Variants in SKAP1 observed in about 807,000 individuals in gnomAD.
The protein encoded by SKAP1 is src kinase associated phosphoprotein 1.
A neutral mutation model predicts 58.5 loss-of-function variants in SKAP1; 44 were observed. The ratio of observed to expected loss-of-function variants is 0.75; its 90% CI spans 0.59 to 0.97. The LOEUF (loss-of-function observed/expected upper bound fraction) is 0.97, where lower values mean the gene tolerates loss of function less well. SKAP1 is among the 50% of genes least tolerant of loss of function. The pLI is 0.00. For missense variants in SKAP1, 390 were observed against 435.2 expected (o/e 0.90, Z 0.92); for synonymous variants, 127 against 149.7 (o/e 0.85, Z 1.11).
intron 4 of SKAP1, 143 bp downstream of exon 4, chr17:48,345,762 A>T (rs2144328729): frequency 3.2e-6 from 2 of 616,946 alleles, no homozygotes; most frequent in South Asian, 3.8e-5. Context: ...TGAAACAAAT[A>T]GTTGTTCTTT....
At chr17:48,218,152 T>C (rs1308279104) in intron 4 of SKAP1, among the ~76,000 whole-genome samples, 1 of 152,182 alleles carries the variant, frequency 6.6e-6, no homozygotes, top group East Asian at 1.9e-4. Flanking sequence ...CTGATATTTA[T>C]CCTTAAACAA....
At position 48,356,611 on chromosome 17, in the gene SKAP1, T is replaced by C. The variant is rs183080381; in HGVS notation, c.178+7178A>G. Among the ~76,000 whole-genome samples the C allele has an allele frequency of 7.9e-5, 12 of 152,310 alleles. No homozygotes were observed. The East Asian group carries it at 2.1e-3, about 27-fold the overall frequency. ...TATTTTTTTCCTCTTTTTAAACAAATGGTAACATTTGTTCTGTTCTGTATC... is the reference window on the plus strand; with the variant it reads ...TATTTTTTTCCTCTTTTTAAACAAACGGTAACATTTGTTCTGTTCTGTATC... On this transcript the variant is annotated intron_variant, in intron 3 of 12. Coordinates refer to ENST00000336915, the MANE Select transcript of SKAP1 (RefSeq NM_003726.4).
chr17:48,387,352 T>A (rs2067289750), intron 2 of SKAP1, among the ~76,000 whole-genome samples: 1 of 152,118 alleles, frequency 6.6e-6, no homozygotes, highest in Admixed American at 6.5e-5. Flanking sequence ...TGCACTCTCT[T>A]CCCTCCACCG....
chr17:48,415,698 G>T (rs1598678505), intron 1 of SKAP1, among the ~76,000 whole-genome samples: 1 of 152,080 alleles, frequency 6.6e-6, no homozygotes, highest in Admixed American at 6.6e-5. Flanking sequence ...TCCCTACGTG[G>T]GGCCCCATTC....
intron 4 of SKAP1, among the ~76,000 whole-genome samples, chr17:48,329,764 TG>T (rs1156327682): frequency 1.3e-5 from 2 of 152,108 alleles, no homozygotes; most frequent in African/African-American, 4.8e-5. Context: ...TGAGGCAGTG[TG>T]GCATACTAGA....
intron 4 of SKAP1, among the ~76,000 whole-genome samples, chr17:48,245,175 T>C (rs1014657955): frequency 6.6e-6 from 1 of 152,202 alleles, no homozygotes; most frequent in Non-Finnish European, 1.5e-5. Flanking sequence ...TGGAAAATAG[T>C]AGGTATCTTC....
intron 11 of SKAP1, chr17:48,156,424 A>G: frequency 1.9e-6 from 1 of 513,158 alleles, no homozygotes. Flanking sequence ...ACGTATGAGG[A>G]GACCTGCACC....
Position 48,197,257 on chromosome 17 carries a change from C to CAAAAAAAAA in SKAP1, c.281-7766_281-7758dup, listed in dbSNP as rs35979686. ...TAGGTGATAGAGCGAGACTCCGACTCAAAAAAAAAAAAAAAAAAAATGCTG... is the reference window on the plus strand; with the variant it reads ...TAGGTGATAGAGCGAGACTCCGACTCAAAAAAAAAAAAAAAAAAAAAAAAAAAAATGCTG... On this transcript the variant is annotated intron_variant, in intron 4 of 12. Coordinates refer to ENST00000336915, the MANE Select transcript of SKAP1 (RefSeq NM_003726.4). 3.1e-5 allele frequency among the ~76,000 whole-genome samples: 3 copies of CAAAAAAAAA among 97,612 alleles called. 1 individual carries two copies. The highest frequency in any genetic ancestry group is 5.9e-5 in the Non-Finnish European group (3 of 50,532). 64.0% of individuals were successfully genotyped at this position (97,612 alleles called of 152,430 possible). A position where few individuals can be genotyped will look rare whatever the true frequency, so the allele number is the denominator to read the frequency against.
intron 4 of SKAP1, among the ~76,000 whole-genome samples, chr17:48,238,186 G>GT: frequency 6.6e-6 from 1 of 151,978 alleles, no homozygotes; most frequent in Non-Finnish European, 1.5e-5. Context: ...TAGAGACATG[G>GT]TTTCACCATA....
chr17:48,287,034 T>C (rs1255736263), intron 4 of SKAP1, among the ~76,000 whole-genome samples: 6 of 151,842 alleles, frequency 4.0e-5, no homozygotes, highest in Non-Finnish European at 1.5e-5. Context: ...AGGTGGAGGT[T>C]GCAGTGAGCC....
chr17:48,441,162 G>T, the SKAP1 span, among the ~76,000 whole-genome samples: 2 of 152,172 alleles, frequency 1.3e-5, no homozygotes, highest in Admixed American at 6.5e-5. Flanking sequence ...ACTAAGATGA[G>T]ATTCATAGGG....
chr17:48,304,167 G>A (rs1267047915), intron 4 of SKAP1, among the ~76,000 whole-genome samples: 1 of 152,066 alleles, frequency 6.6e-6, no homozygotes, highest in Admixed American at 6.6e-5. Context: ...TAAGCATAAT[G>A]GACCTCTATA....
chr17:48,255,777 T>C (rs1187114560), intron 4 of SKAP1, among the ~76,000 whole-genome samples: 1 of 152,084 alleles, frequency 6.6e-6, no homozygotes, highest in Non-Finnish European at 1.5e-5. Context: ...AATTTTTCCT[T>C]CGAAGAGATC....
At chr17:48,386,680 C>G (rs2067280963) in intron 2 of SKAP1, among the ~76,000 whole-genome samples, 1 of 152,158 alleles carries the variant, frequency 6.6e-6, no homozygotes. Flanking sequence ...CCTTGCTAAC[C>G]CTTCTATCCA....
At chr17:48,292,039 G>A (rs1175815782) in intron 4 of SKAP1, among the ~76,000 whole-genome samples, 1 of 150,724 alleles carries the variant, frequency 6.6e-6, no homozygotes, top group Non-Finnish European at 1.5e-5. Flanking sequence ...ATCAGATAAG[G>A]GTTTATTTCT....
At chr17:48,422,660 T>C (rs1485210784) in intron 1 of SKAP1, among the ~76,000 whole-genome samples, 4 of 152,140 alleles carry the variant, frequency 2.6e-5, no homozygotes, top group African/African-American at 9.7e-5. Flanking sequence ...GAGAAAACAT[T>C]AATGTTCAAA....
At chr17:48,197,276 A>AAAAAG (rs2064648605) in intron 4 of SKAP1, among the ~76,000 whole-genome samples, 1 of 149,844 alleles carries the variant, frequency 6.7e-6, no homozygotes, top group Non-Finnish European at 1.5e-5. Flanking sequence ...AAAAAAAAAA[A>AAAAAG]ATGCTGATTG....
chr17:48,430,681 A>G (rs2067907900), upstream of SKAP1, among the ~76,000 whole-genome samples: 1 of 152,248 alleles, frequency 6.6e-6, no homozygotes, highest in African/African-American at 2.4e-5. Flanking sequence ...CAATGTTGAA[A>G]GGAAATGATT....
chr17:48,432,353 C>T (rs1567912446), upstream of SKAP1, among the ~76,000 whole-genome samples: 1 of 151,668 alleles, frequency 6.6e-6, no homozygotes. Flanking sequence ...CACATGAACC[C>T]GGGGGGCGGA....
Sources: gnomAD v4.1 joint callset for allele counts (sites outside exome capture counted in the v4.1 genomes callset) on GRCh38, gnomAD v4.1.1 for gene constraint, MANE v1.5 for transcripts, NCBI Gene and HGNC (gene_info 2026-07-23, HGNC 2026-07-21) for gene names.